RBFOX1: variants seen among roughly 807,000 people sequenced by gnomAD.
The protein encoded by RBFOX1 is RNA binding fox-1 homolog 1, also known as RNA binding protein fox-1 homolog 1.
RBFOX1 carries 8 observed loss-of-function variants against 57.7 expected under a neutral mutation model. That is an observed-to-expected ratio of 0.14 (90% CI 0.08 to 0.25). RBFOX1 has a LOEUF of 0.25. RBFOX1 is among the 10% of genes least tolerant of loss of function. The probability of loss-of-function intolerance (pLI) is 1.00; values close to 1 mark genes in which losing one functional copy is unlikely to be tolerated. For synonymous variants in RBFOX1, 326 were observed against 222.4 expected, an observed-to-expected ratio of 1.47 and a Z score of -4.15; for missense variants, 611 against 548.5, an observed-to-expected ratio of 1.11 and a Z score of -1.14.
At chr16:7,373,417 T>G (rs866500161) in intron 4 of RBFOX1, among the ~76,000 whole-genome samples, 1 of 152,264 alleles carries the variant, frequency 6.6e-6, no homozygotes, top group Middle Eastern at 3.4e-3. Context: ...TGGAGGGCAG[T>G]TCTCTGTCGT....
intron 10 of RBFOX1, among the ~76,000 whole-genome samples, chr16:7,622,983 G>A (rs182248697): frequency 1.6e-4 from 25 of 152,208 alleles, no homozygotes; most frequent in Admixed American, 1.2e-3. Context: ...CCGTCCATTC[G>A]GGCTTTGGGT....
At chr16:5,572,177 A>G (rs1007383349) in intron 2 of RBFOX1, among the ~76,000 whole-genome samples, 32 of 152,196 alleles carry the variant, frequency 2.1e-4, no homozygotes, top group Non-Finnish European at 8.8e-5. Context: ...GAAGCCCTTT[A>G]TGGACACTGT....
intron 1 of RBFOX1, among the ~76,000 whole-genome samples, chr16:5,464,401 T>C (rs2068890317): frequency 1.3e-5 from 2 of 152,076 alleles, no homozygotes; most frequent in Non-Finnish European, 2.9e-5. Context: ...GGAAACGCCT[T>C]AGGAAAAGAT....
intron 3 of RBFOX1, among the ~76,000 whole-genome samples, chr16:5,771,133 G>A (rs937346217): frequency 6.6e-6 from 1 of 152,208 alleles, no homozygotes; most frequent in East Asian, 1.9e-4. Flanking sequence ...AGCAAAGCGT[G>A]TTCACTAGAG....
intron 3 of RBFOX1, among the ~76,000 whole-genome samples, chr16:6,977,000 A>T (rs1332347639): frequency 1.4e-5 from 2 of 147,316 alleles, no homozygotes; most frequent in East Asian, 3.9e-4. Context: ...CACATGCCAT[A>T]TATTGTATAT....
At chr16:7,510,521 G>A (rs904551380) in intron 4 of RBFOX1, among the ~76,000 whole-genome samples, 2 of 140,134 alleles carry the variant, frequency 1.4e-5, no homozygotes, top group South Asian at 2.1e-4. Context: ...GGGCGCGCGC[G>A]CACGCGCGCA....
At chr16:6,550,082 T>C (rs2096962540) in intron 2 of RBFOX1, among the ~76,000 whole-genome samples, 1 of 152,208 alleles carries the variant, frequency 6.6e-6, no homozygotes, top group Non-Finnish European at 1.5e-5. Flanking sequence ...TGCTGTTCAC[T>C]TGTGCCTCCA....
intron 1 of RBFOX1, among the ~76,000 whole-genome samples, chr16:5,304,836 T>TC (rs1490550490): frequency 6.6e-6 from 1 of 151,008 alleles, no homozygotes; most frequent in Admixed American, 6.6e-5. Context: ...TAAAGTGATT[T>TC]TTTTCCCCCA....
At position 5,956,518 on chromosome 16, in the gene RBFOX1, C is replaced by T. The variant is rs150137838; in HGVS notation, c.351+89183C>T. Among the ~76,000 whole-genome samples, 28 of 151,524 alleles carry T rather than the reference C, an allele frequency of 1.8e-4. 1 individual carries two copies. In the East Asian group the frequency reaches 4.9e-3, roughly 26 times the overall value. ...GAGCTCCTGTTAAAAATGCAAATCA[C>T]TGGGCTTCCTCTCTGAGATTCTGAT... On this transcript the variant is annotated intron_variant, in intron 4 of 19. Coordinates refer to the RBFOX1 transcript ENST00000641259.
intron 1 of RBFOX1, among the ~76,000 whole-genome samples, chr16:6,197,467 T>G (rs1415057433): frequency 6.6e-6 from 1 of 152,082 alleles, no homozygotes; most frequent in Non-Finnish European, 1.5e-5. Flanking sequence ...GGTTGCTTGT[T>G]CTATCATCCC....
intron 3 of RBFOX1, among the ~76,000 whole-genome samples, chr16:6,995,861 A>C (rs978791094): frequency 6.6e-6 from 1 of 152,212 alleles, no homozygotes; most frequent in African/African-American, 2.4e-5. Flanking sequence ...CTCAACAGAC[A>C]AGTATCTGAT....
intron 2 of RBFOX1, among the ~76,000 whole-genome samples, chr16:5,556,677 C>A (rs112913749): frequency 2.6e-4 from 40 of 152,170 alleles, no homozygotes; most frequent in African/African-American, 9.4e-4. Context: ...CGGGCACCTT[C>A]CATGTGATAC....
intron 3 of RBFOX1, among the ~76,000 whole-genome samples, chr16:7,002,158 A>G (rs1367459837): frequency 6.6e-6 from 1 of 152,126 alleles, no homozygotes; most frequent in Non-Finnish European, 1.5e-5. Flanking sequence ...TATTGTGGCC[A>G]TCCACCTCTC....
At chr16:6,538,997 C>A (rs917759525) in intron 2 of RBFOX1, among the ~76,000 whole-genome samples, 3 of 152,050 alleles carry the variant, frequency 2.0e-5, no homozygotes, top group Non-Finnish European at 4.4e-5. Context: ...CTGTGTCATT[C>A]CAATGTTATT....
chr16:6,337,241 A>G (rs752140362), intron 2 of RBFOX1, among the ~76,000 whole-genome samples: 5 of 152,256 alleles, frequency 3.3e-5, no homozygotes, highest in African/African-American at 9.6e-5. Flanking sequence ...GGAGGGCCCT[A>G]TGAGGTTCAA....
intron 3 of RBFOX1, among the ~76,000 whole-genome samples, chr16:6,792,006 C>T (rs1034084938): frequency 6.6e-6 from 1 of 152,116 alleles, no homozygotes; most frequent in African/African-American, 2.4e-5. Context: ...CTCTGGAGTT[C>T]TGTTTTCCTA....
At chr16:6,996,872 C>T (rs1452284658) in intron 3 of RBFOX1, among the ~76,000 whole-genome samples, 4 of 152,214 alleles carry the variant, frequency 2.6e-5, no homozygotes, top group South Asian at 4.1e-4. Flanking sequence ...AAGAATAACA[C>T]ATCTGTAGTC....
chr16:6,124,238 C>T (rs1391713163), intron 1 of RBFOX1, among the ~76,000 whole-genome samples: 1 of 152,174 alleles, frequency 6.6e-6, no homozygotes, highest in Non-Finnish European at 1.5e-5. Flanking sequence ...TCCACATTCT[C>T]CTTTGCTACC....
intron 4 of RBFOX1, among the ~76,000 whole-genome samples, chr16:7,201,268 T>C (rs73539630): frequency 0.098 from 14,935 of 152,090 alleles, 797 homozygotes; most frequent in Non-Finnish European, 0.11. Context: ...CAACACAGCA[T>C]AGCAGAGAAA....
Sources: gnomAD v4.1 joint callset for allele counts (sites outside exome capture counted in the v4.1 genomes callset) on GRCh38, gnomAD v4.1.1 for gene constraint, MANE v1.5 for transcripts, NCBI Gene and HGNC (gene_info 2026-07-23, HGNC 2026-07-21) for gene names.